FMOD: variants seen among roughly 807,000 people sequenced by gnomAD.
The protein encoded by FMOD is fibromodulin, also known as KSPG fibromodulin.
In FMOD, 15 loss-of-function variants were observed where a neutral mutation model predicts 27.0. The ratio of observed to expected loss-of-function variants is 0.55; its 90% confidence interval spans 0.37 to 0.85. The LOEUF is 0.85. FMOD is among the 40% of genes least tolerant of loss of function. The pLI is 0.00. For missense variants in FMOD, 460 were observed against 483.2 expected, an observed-to-expected ratio of 0.95 and a Z score of 0.45; for synonymous variants, 210 against 214.0, an observed-to-expected ratio of 0.98 and a Z score of 0.16.
In FMOD at chr1:203,347,721, C is replaced by A; in HGVS notation, c.550G>T (p.Asp184Tyr). 2.5e-6 allele frequency: 4 copies of A among 1,613,876 alleles called. No homozygotes were observed. The highest frequency in any genetic ancestry group is 1.6e-4 in the Middle Eastern group (1 of 6,062). ...LPRSLRELHL[D>Y]HNQISRVPNN... ...GGGACCCGTGAGATCTGGTTGTGGT[C>A]GAGATGGAGCTCTCTCAGGGATCGA... Residue 184 changes from aspartate (D) to tyrosine (Y), a missense_variant, in exon 2 of 3, where the codon GAC (aspartate) becomes TAC (tyrosine). Coordinates refer to ENST00000354955, the MANE Select transcript of FMOD (RefSeq NM_002023.5).
chr1:203,347,901 C>T lies in FMOD; in HGVS notation c.370G>A (p.Val124Ile), dbSNP rs200131296. ...AGCAGCCCTGTGGCATTGTCAAAGA[C>T]GCCTTCCTGGATGGAGGTGATCTGG... is the stretch of plus-strand genomic sequence containing the variant. Reference protein sequence around the residue: ...NNQITSIQEGVFDNATGLLWI... With the variant: ...NNQITSIQEGIFDNATGLLWI... The change falls in exon 2 of 3, where the codon GTC becomes ATC. Residue 124 changes from valine to isoleucine, a missense_variant. Val to Ile is a conservative substitution (Grantham distance 29, BLOSUM62 3). Coordinates refer to ENST00000354955, the MANE Select transcript of FMOD (RefSeq NM_002023.5). 3.5e-5 allele frequency: 57 copies of T among 1,613,430 alleles called. No individual in the cohort carries two copies. The highest frequency in any genetic ancestry group is 3.8e-5 in the Non-Finnish European group (45 of 1,179,544).
rs115902891 is a variant in FMOD at position 203,346,637 on chromosome 1, G to T, written c.979+655C>A. Among the ~76,000 whole-genome samples the T allele has an allele frequency of 4.0e-3, 607 of 152,102 alleles. 1 individual carries two copies. Among genetic ancestry groups the T allele is most frequent in the Non-Finnish European group, 7.5e-3 (510 of 67,984 alleles). On this transcript the variant is annotated intron_variant, in intron 2 of 2. Coordinates refer to ENST00000354955, the MANE Select transcript of FMOD (RefSeq NM_002023.5). ...CCAGGGGGTCCTTGTACTCCAGGAAGAACTGACCAGAACAAGTGCCGCATT... is the reference window on the plus strand; with the variant it reads ...CCAGGGGGTCCTTGTACTCCAGGAATAACTGACCAGAACAAGTGCCGCATT...
At position 203,348,046 on chromosome 1, in the gene FMOD, G is replaced by A. The variant is rs772464229; in HGVS notation, c.225C>T (p.Asp75=). Residue 75 remains aspartate, a synonymous_variant, in exon 2 of 3, where the codon GAC becomes GAT. Transcript: ENST00000354955. ...YGSPSPPDPR[D]CPQECDCPPN... ...GTGGGCAGTCGCACTCCTGGGGGCA[G>A]TCGCGGGGATCTGGAGGGGATGGAG... is the stretch of plus-strand genomic sequence containing the variant. 2.5e-6 allele frequency: 4 copies of A among 1,612,788 alleles called. No homozygotes were observed. The highest frequency in any genetic ancestry group is 2.5e-6 in the Non-Finnish European group (3 of 1,179,180).
In FMOD at chr1:203,347,791, C is replaced by T; in HGVS notation, c.480G>A (p.Leu160=). The T allele has an allele frequency of 6.2e-7, 1 of 1,613,858 alleles. No homozygotes were observed. The highest frequency in any genetic ancestry group is 8.5e-7 in the Non-Finnish European group (1 of 1,180,036). The part of the protein sequence containing the change: ...VFSKLRHLER[L]YLDHNNLTRM... Reference sequence around the variant, plus strand: ...GGGTCAGGTTGTTGTGGTCCAGGTACAGCCTCTCCAGGTGCCTCAGCTTGG... The same window carrying T: ...GGGTCAGGTTGTTGTGGTCCAGGTATAGCCTCTCCAGGTGCCTCAGCTTGG... The change falls in exon 2 of 3, where the codon CTG becomes CTA. Residue 160 remains leucine (L), a synonymous_variant. Coordinates refer to ENST00000354955, the MANE Select transcript of FMOD (RefSeq NM_002023.5).
Position 203,342,163 on chromosome 1 carries a change from G to T in FMOD, c.*180C>A. ...GAGTGAGCTTCTGCCTATGTCCTCA[G>T]CAGAAGGCTGCCTGTCCCTGATCGC... On this transcript the variant is annotated 3_prime_UTR_variant, in exon 3 of 3. Coordinates refer to ENST00000354955, the MANE Select transcript of FMOD (RefSeq NM_002023.5). The T allele has an allele frequency of 1.6e-6, 1 of 641,226 alleles. No individual in the cohort carries two copies. Among genetic ancestry groups the T allele is most frequent in the Non-Finnish European group, 2.6e-6 (1 of 390,264 alleles). 39.7% of individuals were successfully genotyped at this position (641,226 alleles called of 1,614,324 possible). A position where few individuals can be genotyped will look rare whatever the true frequency, so the allele number is the denominator to read the frequency against.
intron 2 of FMOD, 28 bp from the exon 3 acceptor site, chr1:203,342,522 G>C (rs752290430): frequency 6.2e-7 from 1 of 1,601,016 alleles, no homozygotes; most frequent in South Asian, 1.1e-5. Context: ...GCACGGGTCA[G>C]GGAGAGAAGC....
Position 203,347,758 on chromosome 1 carries a change from G to C in FMOD, c.513C>G (p.Pro171=), listed in dbSNP as rs148667187. Residue 171 remains proline (P), a synonymous_variant, in exon 2 of 3, where the codon CCC becomes CCG. Transcript: ENST00000354955. The part of the protein sequence containing the change: ...YLDHNNLTRM[P]GPLPRSLREL... ...CTCTCAGGGATCGAGGCAGGGGACC[G>C]GGCATCCGGGTCAGGTTGTTGTGGT... 6.2e-7 allele frequency: 1 copy of C among 1,613,814 alleles called. No individual in the cohort carries two copies. The highest frequency in any genetic ancestry group is 8.5e-7 in the Non-Finnish European group (1 of 1,180,010).
intron 1 of FMOD, among the ~76,000 whole-genome samples, chr1:203,350,576 A>AACACACACACACAC (rs754601876): frequency 6.2e-4 from 82 of 131,694 alleles, no homozygotes; most frequent in African/African-American, 2.3e-3. Flanking sequence ...TTCCACTCCA[A>AACACACACACACAC]ACACACACAC....
At position 203,347,780 on chromosome 1, in the gene FMOD, TG is replaced by T. The variant is rs1322038418; in HGVS notation, c.490del (p.His164ThrfsTer4). The T allele has an allele frequency of 6.2e-7, 1 of 1,613,778 alleles. No homozygotes were observed. Among genetic ancestry groups the T allele is most frequent in the African/African-American group, 1.3e-5 (1 of 74,920 alleles). On this transcript the variant is annotated frameshift_variant, in exon 2 of 3. Coordinates refer to ENST00000354955, the MANE Select transcript of FMOD (RefSeq NM_002023.5). LOFTEE classifies it high-confidence loss of function. ...ACCGGGCATCCGGGTCAGGTTGTTG[TG>T]GTCCAGGTACAGCCTCTCCAGGTGC... ...LRHLERLYLD[H>X]NNLTRMPGPL...
chr1:203,341,437 G>A lies in FMOD; in HGVS notation c.*906C>T, dbSNP rs1188383499. ...GCTGTTTGGAATGCAGAAAGTGCTG[G>A]GCAAGAATGGAACTACTGGGGCTGC... On this transcript the variant is annotated 3_prime_UTR_variant, in exon 3 of 3. Transcript: ENST00000354955. 6.6e-6 allele frequency: 1 copy of A among 152,202 alleles called. No homozygotes were observed. The highest frequency in any genetic ancestry group is 1.5e-5 in the Non-Finnish European group (1 of 68,070). 9.4% of individuals were successfully genotyped at this position (152,202 alleles called of 1,614,324 possible).
In FMOD at chr1:203,351,039, T is replaced by C. The variant is rs553442279; in HGVS notation, c.-14A>G. ...GTAAAACGACTATACTTACCTCAAGTTGAACTTTTCAGAGAGTGACCACGT... is the reference window on the plus strand; with the variant it reads ...GTAAAACGACTATACTTACCTCAAGCTGAACTTTTCAGAGAGTGACCACGT... On this transcript the variant is annotated 5_prime_UTR_variant, in exon 1 of 3. Coordinates refer to ENST00000354955, the MANE Select transcript of FMOD (RefSeq NM_002023.5). 3 of 152,382 alleles carry C rather than the reference T, an allele frequency of 2.0e-5. No homozygotes were observed. Among genetic ancestry groups the C allele is most frequent in the Admixed American group, 2.0e-4 (3 of 15,308 alleles). 9.4% of individuals were successfully genotyped at this position (152,382 alleles called of 1,614,324 possible). A position where few individuals can be genotyped will look rare whatever the true frequency, so the allele number is the denominator to read the frequency against.
Position 203,347,954 on chromosome 1 carries a change from C to A in FMOD, c.317G>T (p.Arg106Leu). ...GTTCTGGAAGTACACATACTTCATGCGGGAGGGAACGAAGGGCAGGTACTT... is the reference window on the plus strand; with the variant it reads ...GTTCTGGAAGTACACATACTTCATGAGGGAGGGAACGAAGGGCAGGTACTT... Reference protein sequence around the residue: ...NLKYLPFVPSRMKYVYFQNNQ... With the variant: ...NLKYLPFVPSLMKYVYFQNNQ... Residue 106 changes from arginine (R) to leucine (L), a missense_variant, in exon 2 of 3, where the codon CGC becomes CTC. Coordinates refer to ENST00000354955, the MANE Select transcript of FMOD (RefSeq NM_002023.5). 1 of 1,606,570 alleles carries A rather than the reference C, an allele frequency of 6.2e-7. No homozygotes were observed. Among genetic ancestry groups the A allele is most frequent in the Non-Finnish European group, 8.5e-7 (1 of 1,174,570 alleles).
rs1658786534 is a variant in FMOD at position 203,341,004 on chromosome 1, C to T, written c.*1339G>A. 1 of 152,304 alleles carries T rather than the reference C, an allele frequency of 6.6e-6. No individual in the cohort carries two copies. Among genetic ancestry groups the T allele is most frequent in the South Asian group, 2.1e-4 (1 of 4,834 alleles). The allele number at this position is 152,304 out of a possible 1,614,324, so 9.4% of individuals were successfully genotyped here. A position where few individuals can be genotyped will look rare whatever the true frequency, so the allele number is the denominator to read the frequency against. ...CTTTGTCCCAACCTTGCCCAAAGGGCAGGTGGGTTAAGCCCCAGGCAACAT... is the reference window on the plus strand; with the variant it reads ...CTTTGTCCCAACCTTGCCCAAAGGGTAGGTGGGTTAAGCCCCAGGCAACAT... On this transcript the variant is annotated 3_prime_UTR_variant, in exon 3 of 3. Transcript: ENST00000354955.
chr1:203,342,554 A>C, intron 2 of FMOD, 60 bp from the exon 3 acceptor site: 2 of 1,545,156 alleles, frequency 1.3e-6, no homozygotes, highest in Non-Finnish European at 1.8e-6. Context: ...ACCTGAAGCC[A>C]CAGTGAGATT....
intron 2 of FMOD, among the ~76,000 whole-genome samples, chr1:203,343,268 T>C (rs559516215): frequency 6.6e-6 from 1 of 152,354 alleles, no homozygotes; most frequent in Admixed American, 6.5e-5. Flanking sequence ...GTAGAGACAA[T>C]AGTTCTGCTT....
intron 1 of FMOD, among the ~76,000 whole-genome samples, 184 bp downstream of exon 1, chr1:203,350,849 C>G (rs749307952): frequency 4.6e-5 from 7 of 152,200 alleles, no homozygotes; most frequent in African/African-American, 1.4e-4. Flanking sequence ...AGGTACAGGG[C>G]TGGAACCCCT....
chr1:203,350,384 G>A (rs1658969514), intron 1 of FMOD, among the ~76,000 whole-genome samples: 1 of 152,108 alleles, frequency 6.6e-6, no homozygotes, highest in Admixed American at 6.5e-5. Flanking sequence ...CTATCAGCTG[G>A]GGGAAGTTTA....
intron 1 of FMOD, among the ~76,000 whole-genome samples, chr1:203,348,790 C>T (rs115249326): frequency 4.8e-4 from 73 of 152,318 alleles, no homozygotes; most frequent in East Asian, 4.2e-3. Context: ...CTTGACGCAT[C>T]GAAGGGGAAG....
intron 2 of FMOD, among the ~76,000 whole-genome samples, chr1:203,344,979 C>A (rs1658862448): frequency 1.3e-5 from 2 of 152,166 alleles, no homozygotes; most frequent in Admixed American, 6.5e-5. Flanking sequence ...TGCCTGTCAA[C>A]TTTAAAGTGG....
Sources: allele counts gnomAD v4.1 joint callset (sites outside exome capture counted in the v4.1 genomes callset), GRCh38; gene constraint gnomAD v4.1.1; transcripts MANE v1.5; gene names NCBI Gene and HGNC (gene_info 2026-07-23, HGNC 2026-07-21).